PPP1R16B: variants seen among roughly 807,000 people sequenced by gnomAD.
PPP1R16B encodes protein phosphatase 1 regulatory inhibitor subunit 16B.
In PPP1R16B, 14 loss-of-function variants were observed where a neutral mutation model predicts 61.7. That is an observed-to-expected ratio of 0.23 (90% confidence interval 0.15 to 0.35). The LOEUF (loss-of-function observed/expected upper bound fraction) is 0.35. Ranked by LOEUF, PPP1R16B falls within the 10% of genes least tolerant of loss-of-function variation. The pLI, the probability that PPP1R16B is intolerant of heterozygous loss-of-function variation, is 1.00. For synonymous variants in PPP1R16B, 266 were observed against 305.3 expected, an observed-to-expected ratio of 0.87 and a Z score of 1.34; for missense variants, 547 against 752.5, an observed-to-expected ratio of 0.73 and a Z score of 3.19.
At chr20:38,855,081 C>G (rs937561999) in intron 2 of PPP1R16B, among the ~76,000 whole-genome samples, 55 of 152,186 alleles carry the variant, frequency 3.6e-4, no homozygotes, top group African/African-American at 1.3e-3. Context: ...TGACTTAAAG[C>G]CTGCTTGCAA....
intron 2 of PPP1R16B, among the ~76,000 whole-genome samples, chr20:38,851,194 G>C (rs1366845347): frequency 6.6e-6 from 1 of 151,874 alleles, no homozygotes; most frequent in Non-Finnish European, 1.5e-5. Context: ...GCTGGGCATA[G>C]TGGCTCACGC....
At position 38,855,982 on chromosome 20, in the gene PPP1R16B, A is replaced by AGAAGG. The variant is rs1449393855; in HGVS notation, c.250+19807_250+19808insGAAGG. On this transcript the variant is annotated intron_variant, in intron 2 of 10. Coordinates refer to ENST00000299824, the MANE Select transcript of PPP1R16B (RefSeq NM_015568.4). Reference sequence around the variant, plus strand: ...GAGAGAGAGAGAGAGAGAGAGAGAGAAGGAGGAGGAGAGAGACCAGGACAG... The same window carrying AGAAGG: ...GAGAGAGAGAGAGAGAGAGAGAGAGAGAAGGAGGAGGAGGAGAGAGACCAGGACAG... Among the ~76,000 whole-genome samples, 27 of 41,524 alleles carry AGAAGG rather than the reference A, an allele frequency of 6.5e-4. 1 individual carries two copies. The highest frequency in any genetic ancestry group is 3.4e-3 in the East Asian group (4 of 1,166). 27.2% of individuals were successfully genotyped at this position (41,524 alleles called of 152,430 possible).
intron 2 of PPP1R16B, among the ~76,000 whole-genome samples, chr20:38,885,993 C>T (rs576257112): frequency 8.5e-4 from 130 of 152,318 alleles, no homozygotes; most frequent in African/African-American, 2.5e-3. Flanking sequence ...CCAGGCTGGT[C>T]TTGAACTCCT....
chr20:38,821,881 C>A (rs143471497), intron 1 of PPP1R16B, among the ~76,000 whole-genome samples: 1 of 151,638 alleles, frequency 6.6e-6, no homozygotes, highest in East Asian at 1.9e-4. Flanking sequence ...GTTTGAGTCA[C>A]ATTTTCCTGT....
intron 1 of PPP1R16B, among the ~76,000 whole-genome samples, chr20:38,830,153 G>C (rs1322338899): frequency 1.3e-5 from 2 of 152,212 alleles, no homozygotes; most frequent in Non-Finnish European, 2.9e-5. Flanking sequence ...TTTAGTTACT[G>C]CTCAGCCTCT....
chr20:38,840,869 C>T (rs2084904873), intron 2 of PPP1R16B, among the ~76,000 whole-genome samples: 1 of 152,166 alleles, frequency 6.6e-6, no homozygotes, highest in African/African-American at 2.4e-5. Context: ...CGCTTCATAA[C>T]GTTGTTGGGG....
At chr20:38,879,685 G>T (rs1381320581) in intron 2 of PPP1R16B, among the ~76,000 whole-genome samples, 1 of 152,202 alleles carries the variant, frequency 6.6e-6, no homozygotes, top group Non-Finnish European at 1.5e-5. Context: ...AGGGTGTGCT[G>T]TCACTTTTCC....
chr20:38,855,365 A>AC (rs972816224), intron 2 of PPP1R16B, among the ~76,000 whole-genome samples: 4 of 151,950 alleles, frequency 2.6e-5, no homozygotes, highest in Non-Finnish European at 4.4e-5. Context: ...ATTAAAAAAA[A>AC]AAAACAAAAC....
At chr20:38,886,506 C>T (rs189489162) in intron 2 of PPP1R16B, among the ~76,000 whole-genome samples, 20 of 152,336 alleles carry the variant, frequency 1.3e-4, no homozygotes, top group Non-Finnish European at 1.5e-4. Flanking sequence ...ATCCAGAAAC[C>T]CATCCTAGTC....
intron 4 of PPP1R16B, among the ~76,000 whole-genome samples, chr20:38,896,163 C>T (rs2085346191): frequency 9.2e-6 from 1 of 108,854 alleles, no homozygotes; most frequent in South Asian, 3.2e-4. Context: ...TCCTCCCTCC[C>T]TTCCTTCCTT....
chr20:38,828,356 G>A (rs1054600023), intron 1 of PPP1R16B, among the ~76,000 whole-genome samples: 12 of 152,216 alleles, frequency 7.9e-5, no homozygotes, highest in African/African-American at 2.9e-4. Context: ...ATATGCCTCA[G>A]CAAGAGGCCA....
intron 1 of PPP1R16B, among the ~76,000 whole-genome samples, chr20:38,827,647 A>C (rs984986470): frequency 2.0e-5 from 3 of 152,236 alleles, no homozygotes; most frequent in Non-Finnish European, 4.4e-5. Flanking sequence ...TAGAAGGTTC[A>C]TCCTAGCAGG....
At chr20:38,842,027 T>C (rs1568659269) in intron 2 of PPP1R16B, among the ~76,000 whole-genome samples, 1 of 152,226 alleles carries the variant, frequency 6.6e-6, no homozygotes, top group East Asian at 1.9e-4. Flanking sequence ...GAAAATGGCT[T>C]CACTGTGTGA....
At chr20:38,829,791 G>A (rs763821228) in intron 1 of PPP1R16B, among the ~76,000 whole-genome samples, 1 of 152,208 alleles carries the variant, frequency 6.6e-6, no homozygotes, top group African/African-American at 2.4e-5. Context: ...AGACCAAGCA[G>A]GGATTTCTCA....
At chr20:38,833,374 A>G (rs1173843949) in intron 1 of PPP1R16B, among the ~76,000 whole-genome samples, 2 of 152,242 alleles carry the variant, frequency 1.3e-5, no homozygotes, top group Admixed American at 1.3e-4. Flanking sequence ...ATACATTGAT[A>G]CAATTGCATA....
At chr20:38,882,465 C>T (rs377476481) in intron 2 of PPP1R16B, among the ~76,000 whole-genome samples, 1 of 152,172 alleles carries the variant, frequency 6.6e-6, no homozygotes, top group African/African-American at 2.4e-5. Flanking sequence ...ACTGCAGCCT[C>T]GAACTCCTGG....
At chr20:38,913,054 A>T (rs2085505072) in intron 10 of PPP1R16B, among the ~76,000 whole-genome samples, 1 of 150,088 alleles carries the variant, frequency 6.7e-6, no homozygotes, top group Non-Finnish European at 1.5e-5. Flanking sequence ...GTTTTTTGGT[A>T]GAGATGGGGT....
At position 38,902,704 on chromosome 20, in the gene PPP1R16B, C is replaced by G. The variant is rs2085405858; in HGVS notation, c.608C>G (p.Ala203Gly). 4 of 1,614,126 alleles carry G rather than the reference C, an allele frequency of 2.5e-6. No individual in the cohort carries two copies. The highest frequency in any genetic ancestry group is 3.4e-6 in the Non-Finnish European group (4 of 1,180,052). Reference protein sequence around the residue: ...TQEKINEMRVAPEQQMIADIH... With the variant: ...TQEKINEMRVGPEQQMIADIH... ...GAGAAAATCAACGAGATGCGGGTGG[C>G]TCCTGAGCAGCAGATGATTGCGGAC... The change falls in exon 6 of 11, where the codon GCT (alanine) becomes GGT (glycine). Residue 203 changes from alanine to glycine, a missense_variant. Physicochemically the swap from Ala to Gly is moderately conservative, Grantham distance 60. Coordinates refer to ENST00000299824, the MANE Select transcript of PPP1R16B (RefSeq NM_015568.4).
In PPP1R16B at chr20:38,907,410, G is replaced by A. The variant is rs2085453072; in HGVS notation, c.898+356G>A. On this transcript the variant is annotated intron_variant, in intron 8 of 10. Transcript: ENST00000299824. The surrounding 1 kb of genome is among the most constrained non-coding windows in gnomAD (Gnocchi z 4.5). ...AATCTATGAATACATGGCTCAGTCA[G>A]CAATAGGTAGATAGATGGATGAAGG... Among the ~76,000 whole-genome samples, 1 of 151,938 alleles carries A rather than the reference G, an allele frequency of 6.6e-6. No homozygotes were observed. Among genetic ancestry groups the A allele is most frequent in the South Asian group, 2.1e-4 (1 of 4,820 alleles).
Sources: gnomAD v4.1 joint callset for allele counts (sites outside exome capture counted in the v4.1 genomes callset) on GRCh38, gnomAD v4.1.1 for gene constraint, Gnocchi (gnomAD v3.1) non-coding constraint, MANE v1.5 for transcripts, NCBI Gene and HGNC (gene_info 2026-07-23, HGNC 2026-07-21) for gene names.